Variants in CYP2E1 observed in about 807,000 individuals in gnomAD.
The protein encoded by CYP2E1 is cytochrome P450 family 2 subfamily E member 1, also known as cytochrome P450 2E1.
In CYP2E1, 31 loss-of-function variants were observed where a neutral mutation model predicts 42.9. The ratio of observed to expected loss-of-function variants is 0.72; its 90% CI spans 0.54 to 0.98. The LOEUF is 0.98. CYP2E1 is among the 50% of genes least tolerant of loss of function. The pLI, the probability that CYP2E1 is intolerant of heterozygous loss-of-function variation, is 0.00. For missense variants in CYP2E1, 565 were observed against 633.2 expected, an observed-to-expected ratio of 0.89 and a Z score of 1.16; for synonymous variants, 244 against 248.9, an observed-to-expected ratio of 0.98 and a Z score of 0.19.
At chr10:133,537,358 G>A in intron 7 of CYP2E1, 108 bp downstream of exon 7, 3 of 1,155,882 alleles carry the variant, frequency 2.6e-6, no homozygotes, top group Middle Eastern at 2.3e-4. Context: ...TTTGGCAGGG[G>A]TCACTGAGGG....
rs920324226 is a variant in CYP2E1 at position 133,531,855 on chromosome 10, G to A, written c.487+121G>A. On this transcript the variant is annotated intron_variant, in intron 3 of 8. Transcript: ENST00000252945. ...GACCTACGGACAAGGAGAGGGTCTC[G>A]TGAGTCCCCAGATACTGCATTTTAC... is the stretch of plus-strand genomic sequence containing the variant. 10 of 1,062,160 alleles carry A rather than the reference G, an allele frequency of 9.4e-6. 1 individual carries two copies. In the East Asian group the frequency reaches 1.0e-4, roughly 11 times the overall value. The allele number at this position is 1,062,160 out of a possible 1,614,324, so 65.8% of individuals were successfully genotyped here. A position where few individuals can be genotyped will look rare whatever the true frequency, so the allele number is the denominator to read the frequency against.
intron 2 of CYP2E1, among the ~76,000 whole-genome samples, chr10:133,529,148 G>C (rs1851308593): frequency 6.6e-6 from 1 of 152,206 alleles, no homozygotes; most frequent in Non-Finnish European, 1.5e-5. Flanking sequence ...CCGGGAAGGG[G>C]GAAGAGACCC....
At chr10:133,534,360 C>T (rs1442359463) in intron 6 of CYP2E1, among the ~76,000 whole-genome samples, 1 of 12,368 alleles carries the variant, frequency 8.1e-5, no homozygotes, top group Admixed American at 1.5e-3. Flanking sequence ...GCTACAGCTG[C>T]CCTGGACCCT....
chr10:133,537,949 C>T, intron 8 of CYP2E1, 57 bp downstream of exon 8: 2 of 1,555,430 alleles, frequency 1.3e-6, no homozygotes, highest in East Asian at 2.2e-5. Context: ...CTCCTCATCT[C>T]CCCTCCACAT....
In CYP2E1 at chr10:133,527,463, G is replaced by A. The variant is rs1377320782; in HGVS notation, c.68G>A (p.Trp23Ter). The change falls in exon 1 of 9, where the codon TGG becomes TAG. Residue 23 changes from tryptophan to a stop codon, truncating the protein, a stop_gained. Transcript: ENST00000252945. LOFTEE classifies it high-confidence loss of function. Reference protein sequence around the residue: ...WAAFLLLVSMWRQVHSSWNLP... With the variant: ...WAAFLLLVSM The stretch of plus-strand genomic sequence containing the variant: ...GCCTTCCTCCTGCTGGTGTCCATGT[G>A]GAGGCAGGTGCACAGCAGCTGGAAT... 2 of 1,613,718 alleles carry A rather than the reference G, an allele frequency of 1.2e-6. No individual in the cohort carries two copies. The highest frequency in any genetic ancestry group is 2.2e-5 in the East Asian group (1 of 44,880).
At position 133,537,938 on chromosome 10, in the gene CYP2E1, A is replaced by C. The variant is rs778242408; in HGVS notation, c.1297+46A>C. ...TACCTTCCCTTGAGGAGCAGCCCAC[A>C]CTCCTCATCTCCCCTCCACATGTGC... On this transcript the variant is annotated intron_variant, in intron 8 of 8. Coordinates refer to ENST00000252945, the MANE Select transcript of CYP2E1 (RefSeq NM_000773.4). 3.2e-6 allele frequency: 5 copies of C among 1,578,110 alleles called. No homozygotes were observed. The South Asian group carries it at 4.7e-5, about 15-fold the overall frequency.
At position 133,528,530 on chromosome 10, in the gene CYP2E1, G is replaced by A. The variant is rs72559710; in HGVS notation, c.227G>A (p.Arg76His). The A allele has an allele frequency of 1.0e-4, 168 of 1,613,468 alleles. 1 individual carries two copies. In the East Asian group the frequency reaches 3.4e-3, roughly 33 times the overall value. Residue 76 changes from arginine (R) to histidine (H), a missense_variant, in exon 2 of 9, where the codon CGC becomes CAC. Arg to His is a conservative substitution (Grantham distance 29, BLOSUM62 0). Coordinates refer to ENST00000252945, the MANE Select transcript of CYP2E1 (RefSeq NM_000773.4). The stretch of plus-strand genomic sequence containing the variant: ...TTCACGCTGTACGTGGGCTCGCAGC[G>A]CATGGTGGTGATGCACGGCTACAAG... ...PVFTLYVGSQ[R>H]MVVMHGYKAV... is the part of the protein sequence containing the mutation.
chr10:133,532,941 G>A, intron 5 of CYP2E1, 73 bp downstream of exon 5: 1 of 1,391,348 alleles, frequency 7.2e-7, no homozygotes, highest in Non-Finnish European at 9.7e-7. Context: ...TTTACAGAGT[G>A]AGCTGCACTT....
intron 1 of CYP2E1, chr10:133,528,086 C>A: frequency 4.1e-6 from 1 of 241,454 alleles, no homozygotes; most frequent in Non-Finnish European, 8.1e-6. Flanking sequence ...GGGGCGCAGG[C>A]TGACGGCGGG....
In CYP2E1 at chr10:133,531,604, A is replaced by G; in HGVS notation, c.357A>G (p.Gly119=). 9 of 1,614,060 alleles carry G rather than the reference A, an allele frequency of 5.6e-6. No individual in the cohort carries two copies. Among genetic ancestry groups the G allele is most frequent in the East Asian group, 2.2e-5 (1 of 44,880 alleles). ...CCTTAGGAATCATTTTTAATAATGG[A>G]CCTACCTGGAAGGACATCCGGCGGT... ...HRDRGIIFNN[G]PTWKDIRRFS... is the part of the protein sequence containing the mutation. Residue 119 remains glycine, a synonymous_variant, in exon 3 of 9, where the codon GGA becomes GGG. Coordinates refer to ENST00000252945, the MANE Select transcript of CYP2E1 (RefSeq NM_000773.4).
Position 133,532,298 on chromosome 10 carries a change from C to T in CYP2E1, c.648+14C>T, listed in dbSNP as rs770796390. 1.1e-5 allele frequency: 18 copies of T among 1,607,940 alleles called. No individual in the cohort carries two copies. The highest frequency in any genetic ancestry group is 1.4e-5 in the Non-Finnish European group (16 of 1,175,124). On this transcript the variant is annotated intron_variant, in intron 4 of 8. Coordinates refer to ENST00000252945, the MANE Select transcript of CYP2E1 (RefSeq NM_000773.4). ...CCCTGGCTCCAGGTGAAGCCACTTT[C>T]CTCTTTCATCAGTCATCAACTGTAG...
chr10:133,533,605 A>T, intron 5 of CYP2E1, 151 bp from the exon 6 acceptor site: 1 of 878,812 alleles, frequency 1.1e-6, no homozygotes, highest in Non-Finnish European at 1.7e-6. Flanking sequence ...GGTGGAGATG[A>T]CTCTGTCTGT....
chr10:133,536,869 GTGGGTGGATGGATGCA>G (rs1851411328), intron 6 of CYP2E1, among the ~76,000 whole-genome samples, 178 bp from the exon 7 acceptor site: 2 of 143,970 alleles, frequency 1.4e-5, no homozygotes, highest in South Asian at 4.8e-4. Flanking sequence ...GGCTGGGTGG[GTGGGTGGATGGATGCA>G]TGGGTGGATG....
At position 133,531,722 on chromosome 10, in the gene CYP2E1, A is replaced by G. The variant is rs958935789; in HGVS notation, c.475A>G (p.Arg159Gly). 1.3e-6 allele frequency: 2 copies of G among 1,598,898 alleles called. No homozygotes were observed. Among genetic ancestry groups the G allele is most frequent in the East Asian group, 2.2e-5 (1 of 44,866 alleles). ...GGCCCACTTCCTGCTGGAAGCACTCAGGAAGACCCAAGGTGCGTATCTGCT... is the reference window on the plus strand; with the variant it reads ...GGCCCACTTCCTGCTGGAAGCACTCGGGAAGACCCAAGGTGCGTATCTGCT... ...REAHFLLEAL[R>G]KTQGQPFDPT... is the part of the protein sequence containing the mutation. The change falls in exon 3 of 9, where the codon AGG becomes GGG. Residue 159 changes from arginine to glycine, a missense_variant. Arg to Gly is a moderately radical substitution (Grantham distance 125, BLOSUM62 -2). Transcript: ENST00000252945.
At chr10:133,528,077 G>A (rs985172845) in intron 1 of CYP2E1, 2 of 240,554 alleles carry the variant, frequency 8.3e-6, no homozygotes, top group East Asian at 2.0e-4. Flanking sequence ...GCGCTCTGTG[G>A]GGCGCAGGCT....
rs1202547289 is a variant in CYP2E1 at position 133,527,491 on chromosome 10, G to T, written c.96G>T (p.Leu32=). 1.2e-6 allele frequency: 2 copies of T among 1,613,640 alleles called. No homozygotes were observed. Among genetic ancestry groups the T allele is most frequent in the South Asian group, 1.1e-5 (1 of 91,060 alleles). The part of the protein sequence containing the change: ...MWRQVHSSWN[L]PPGPFPLPII... The stretch of plus-strand genomic sequence containing the variant: ...GGCAGGTGCACAGCAGCTGGAATCT[G>T]CCCCCAGGCCCTTTCCCGCTTCCCA... The change falls in exon 1 of 9, where the codon CTG becomes CTT. Residue 32 remains leucine (L), a synonymous_variant. Transcript: ENST00000252945.
intron 1 of CYP2E1, 95 bp downstream of exon 1, chr10:133,527,667 C>G (rs1851286850): frequency 1.0e-6 from 1 of 986,124 alleles, no homozygotes. Context: ...TGTGGTTGTT[C>G]AATACCAGCC....
At chr10:133,528,147 A>G (rs1465142712) in intron 1 of CYP2E1, 1 of 270,602 alleles carries the variant, frequency 3.7e-6, no homozygotes, top group Non-Finnish European at 7.1e-6. Flanking sequence ...CGGGTCCAGA[A>G]CCTTGATTCC....
At chr10:133,532,651 C>T (rs771163173) in intron 4 of CYP2E1, 41 bp from the exon 5 acceptor site, 27 of 1,491,292 alleles carry the variant, frequency 1.8e-5, no homozygotes, top group Non-Finnish European at 2.3e-5. Context: ...AATTATGTTG[C>T]ATCCAGAAAA....
Sources: gnomAD v4.1 joint callset for allele counts (sites outside exome capture counted in the v4.1 genomes callset) on GRCh38, gnomAD v4.1.1 for gene constraint, MANE v1.5 for transcripts, NCBI Gene and HGNC (gene_info 2026-07-23, HGNC 2026-07-21) for gene names.